Variants in CDK12 observed in about 807,000 individuals in gnomAD.
The protein encoded by CDK12 is cyclin dependent kinase 12.
Under a neutral mutation model 133.8 loss-of-function variants are expected in CDK12, and 17 were observed. The ratio of observed to expected loss-of-function variants is 0.13; its 90% CI spans 0.09 to 0.19. The LOEUF (loss-of-function observed/expected upper bound fraction) is 0.19, where lower values mean the gene tolerates loss of function less well. Among genes scored for constraint, CDK12 ranks in the 10% least tolerant of loss-of-function variants. The probability of loss-of-function intolerance (pLI) is 1.00; values close to 1 mark genes in which losing one functional copy is unlikely to be tolerated. For missense variants in CDK12, 1,508 were observed against 1,818.7 expected (o/e 0.83, Z 3.11); for synonymous variants, 694 against 683.6 (o/e 1.02, Z -0.24).
intron 9 of CDK12, among the ~76,000 whole-genome samples, chr17:39,516,515 T>C (rs1177254912): frequency 6.6e-6 from 1 of 151,630 alleles, no homozygotes; most frequent in Admixed American, 6.6e-5. Flanking sequence ...GTCCCAGCTA[T>C]TTTTCGTTCA....
intron 3 of CDK12, among the ~76,000 whole-genome samples, chr17:39,561,977 T>C (rs2056390564): frequency 6.6e-6 from 1 of 152,194 alleles, no homozygotes; most frequent in Non-Finnish European, 1.5e-5. Context: ...TCTTGCCCTG[T>C]CACCCAGGCT....
At chr17:39,544,627 T>G (rs2055589197), upstream of CDK12, among the ~76,000 whole-genome samples, 2 of 12,214 alleles carry the variant, frequency 1.6e-4, no homozygotes, top group Non-Finnish European at 6.3e-4. Context: ...CAGGCGATCT[T>G]TTTTTTTTTT....
At chr17:39,487,348 ATTC>A (rs2145739922) in intron 2 of CDK12, among the ~76,000 whole-genome samples, 1 of 152,356 alleles carries the variant, frequency 6.6e-6, no homozygotes, top group East Asian at 1.9e-4. Context: ...GGTTAACAGT[ATTC>A]TTTAAAAAGA....
intron 7 of CDK12, among the ~76,000 whole-genome samples, chr17:39,510,851 G>A (rs949346005): frequency 1.3e-5 from 2 of 150,158 alleles, no homozygotes; most frequent in African/African-American, 4.9e-5. Flanking sequence ...GACCTTAGGT[G>A]ATCTGCCTGG....
upstream of CDK12, among the ~76,000 whole-genome samples, chr17:39,543,257 A>G (rs1281723002): frequency 6.6e-6 from 1 of 152,210 alleles, no homozygotes; most frequent in Non-Finnish European, 1.5e-5. Context: ...TTGATGAGGC[A>G]GAAGGAAGGT....
intron 7 of CDK12, among the ~76,000 whole-genome samples, chr17:39,510,841 G>A (rs1426405810): frequency 6.7e-6 from 1 of 150,158 alleles, no homozygotes; most frequent in Non-Finnish European, 1.5e-5. Flanking sequence ...TCGAACTCCC[G>A]ACCTTAGGTG....
Position 39,482,015 on chromosome 17 carries a change from C to CTTTTTTTTTTTT in CDK12, c.1932-8537_1932-8526dup, listed in dbSNP as rs56340258. ...GATTACAGGCATGAGCCTGGCTTGC[C>CTTTTTTTTTTTT]TTTTTTTTTTTTTTTTAACAGAGTT... On this transcript the variant is annotated intron_variant, in intron 2 of 13. Coordinates refer to ENST00000447079, the MANE Select transcript of CDK12 (RefSeq NM_016507.4). 9.4e-5 allele frequency among the ~76,000 whole-genome samples: 9 copies of CTTTTTTTTTTTT among 96,224 alleles called. 1 individual carries two copies. Among genetic ancestry groups the CTTTTTTTTTTTT allele is most frequent in the African/African-American group, 3.0e-4 (9 of 30,242 alleles). 63.1% of individuals were successfully genotyped at this position (96,224 alleles called of 152,430 possible).
At chr17:39,518,474 G>A (rs112592904) in intron 10 of CDK12, among the ~76,000 whole-genome samples, 11,757 of 151,972 alleles carry the variant, frequency 0.077, 630 homozygotes, top group South Asian at 0.15. Context: ...AAGATCACTC[G>A]TGCTACCACG....
intron 2 of CDK12, among the ~76,000 whole-genome samples, chr17:39,483,717 T>C (rs2050903810): frequency 6.6e-6 from 1 of 151,372 alleles, no homozygotes; most frequent in Non-Finnish European, 1.5e-5. Context: ...TTTATTTATT[T>C]ATTTATTTAT....
chr17:39,497,402 G>A (rs2052212014), intron 5 of CDK12, among the ~76,000 whole-genome samples: 1 of 151,970 alleles, frequency 6.6e-6, no homozygotes, highest in South Asian at 2.1e-4. Context: ...AATTCGCTGG[G>A]CATGGTGCTG....
intron 2 of CDK12, among the ~76,000 whole-genome samples, chr17:39,476,198 TC>T (rs2050177963): frequency 6.6e-6 from 1 of 150,684 alleles, no homozygotes; most frequent in Non-Finnish European, 1.5e-5. Flanking sequence ...CACTGCAACT[TC>T]CCAGGGTTCA....
upstream of CDK12, among the ~76,000 whole-genome samples, chr17:39,545,171 C>T (rs2055623439): frequency 6.6e-6 from 1 of 152,150 alleles, no homozygotes; most frequent in Non-Finnish European, 1.5e-5. Flanking sequence ...GCCCTCTCCT[C>T]CAGGGCAGCT....
intron 11 of CDK12, among the ~76,000 whole-genome samples, chr17:39,523,905 C>T (rs984216086): frequency 1.3e-5 from 2 of 151,852 alleles, no homozygotes; most frequent in Non-Finnish European, 3.0e-5. Flanking sequence ...CCTGCCTCTA[C>T]CTCCCAAAGT....
intron 6 of CDK12, among the ~76,000 whole-genome samples, chr17:39,506,324 C>T (rs2053124196): frequency 6.7e-6 from 1 of 149,916 alleles, no homozygotes; most frequent in African/African-American, 2.5e-5. Context: ...AAGCCCTTCT[C>T]CTGCCTCAGC....
intron 1 of CDK12, among the ~76,000 whole-genome samples, chr17:39,469,478 T>G (rs1178823683): frequency 1.3e-5 from 2 of 152,188 alleles, no homozygotes; most frequent in Non-Finnish European, 2.9e-5. Context: ...ATTTTAAACT[T>G]TACAACTTTA....
chr17:39,512,094 T>G (rs1433642243), intron 8 of CDK12, among the ~76,000 whole-genome samples: 1 of 152,222 alleles, frequency 6.6e-6, no homozygotes. Context: ...CTTTTTGTTG[T>G]TTGAGATGGA....
In CDK12 at chr17:39,533,783, C is replaced by G. The variant is rs528934337; in HGVS notation, c.*2467C>G. 14 of 232,110 alleles carry G rather than the reference C, an allele frequency of 6.0e-5. No homozygotes were observed. Among genetic ancestry groups the G allele is most frequent in the Non-Finnish European group, 1.0e-4 (12 of 117,558 alleles). The allele number at this position is 232,110 out of a possible 1,614,324, so 14.4% of individuals were successfully genotyped here. A position where few individuals can be genotyped will look rare whatever the true frequency, so the allele number is the denominator to read the frequency against. ...CAAAGTTTGGTAGTTTTGACTATTTCTAAAAGCAGAGGAGAAAAAAAAACT... is the reference window on the plus strand; with the variant it reads ...CAAAGTTTGGTAGTTTTGACTATTTGTAAAAGCAGAGGAGAAAAAAAAACT... On this transcript the variant is annotated 3_prime_UTR_variant, in exon 14 of 14. Coordinates refer to ENST00000447079, the MANE Select transcript of CDK12 (RefSeq NM_016507.4).
At chr17:39,505,852 G>T (rs145349595) in intron 6 of CDK12, among the ~76,000 whole-genome samples, 2 of 152,156 alleles carry the variant, frequency 1.3e-5, no homozygotes, top group African/African-American at 4.8e-5. Flanking sequence ...TTGAATTTTG[G>T]TATATGTGGG....
chr17:39,495,172 G>A (rs1255875534), intron 5 of CDK12, among the ~76,000 whole-genome samples: 3 of 151,964 alleles, frequency 2.0e-5, no homozygotes, highest in African/African-American at 4.8e-5. Context: ...TCTGCCTCTC[G>A]GGTTTAAGTG....
Sources: allele counts gnomAD v4.1 joint callset (sites outside exome capture counted in the v4.1 genomes callset), GRCh38; gene constraint gnomAD v4.1.1; transcripts MANE v1.5; gene names NCBI Gene and HGNC (gene_info 2026-07-23, HGNC 2026-07-21).